Variants in ZNF717 observed in about 807,000 individuals in gnomAD.
The protein encoded by ZNF717 is zinc finger protein 717, also known as krueppel-like factor X17.
ZNF717 carries 9 observed loss-of-function variants against 13.8 expected under a neutral mutation model. That is an observed-to-expected ratio of 0.65 (90% confidence interval 0.39 to 1.14). ZNF717 has a LOEUF of 1.14. Ranked by LOEUF, ZNF717 falls within the 50% of genes most tolerant of loss-of-function variation. The probability of loss-of-function intolerance (pLI) is 0.01; values close to 1 mark genes in which losing one functional copy is unlikely to be tolerated. For missense variants in ZNF717, 1,040 were observed against 1,080.7 expected (o/e 0.96, Z 0.53); for synonymous variants, 327 against 364.1 (o/e 0.90, Z 1.16).
At chr3:75,745,671 T>C (rs1334005165) in intron 2 of ZNF717, among the ~76,000 whole-genome samples, 1 of 152,034 alleles carries the variant, frequency 6.6e-6, no homozygotes, top group Non-Finnish European at 1.5e-5. Flanking sequence ...TGTAACTCTA[T>C]GAGATCAACT....
intron 5 of ZNF717, among the ~76,000 whole-genome samples, chr3:75,715,533 T>G (rs1204622827): frequency 6.6e-6 from 1 of 152,256 alleles, no homozygotes; most frequent in Non-Finnish European, 1.5e-5. Flanking sequence ...TAACTTCTAA[T>G]TAAGTATTCT....
chr3:75,699,993 G>A (rs1360202585), intron 6 of ZNF717, among the ~76,000 whole-genome samples: 1 of 152,306 alleles, frequency 6.6e-6, no homozygotes, highest in Non-Finnish European at 1.5e-5. Flanking sequence ...AAATGAAAGA[G>A]GACCCAAAAA....
intron 5 of ZNF717, among the ~76,000 whole-genome samples, chr3:75,713,537 T>C (rs1420753145): frequency 1.3e-5 from 2 of 152,222 alleles, no homozygotes; most frequent in African/African-American, 4.8e-5. Flanking sequence ...ATCAGTATTA[T>C]CAGTATTTTA....
At chr3:75,726,392 G>A (rs1220673014), downstream of ZNF717, among the ~76,000 whole-genome samples, 1 of 152,254 alleles carries the variant, frequency 6.6e-6, no homozygotes, top group Non-Finnish European at 1.5e-5. Context: ...GGAGGTTGAG[G>A]CAGGTGGATC....
chr3:75,778,621 G>C (rs1944532653), intron 2 of ZNF717, among the ~76,000 whole-genome samples: 1 of 149,956 alleles, frequency 6.7e-6, no homozygotes. Flanking sequence ...AAAACAATGG[G>C]AGTGACTTGC....
intron 2 of ZNF717, among the ~76,000 whole-genome samples, chr3:75,761,705 A>G (rs554550459): frequency 7.9e-4 from 121 of 152,388 alleles, no homozygotes; most frequent in Non-Finnish European, 5.4e-4. Flanking sequence ...AGTCAGTTGC[A>G]TTTCTGTAAA....
intron 6 of ZNF717, among the ~76,000 whole-genome samples, chr3:75,703,739 C>T (rs1937742522): frequency 6.6e-6 from 1 of 152,312 alleles, no homozygotes; most frequent in Non-Finnish European, 1.5e-5. Context: ...CACAAAGTTC[C>T]TAAGAAATAC....
downstream of ZNF717, among the ~76,000 whole-genome samples, chr3:75,734,378 A>C (rs535777936): frequency 6.7e-6 from 1 of 149,376 alleles, no homozygotes. Context: ...TTGAATCTAC[A>C]TTTTAAAAAG....
Position 75,738,242 on chromosome 3 carries a change from T to C in ZNF717, c.1381A>G (p.Ile461Val). The C allele has an allele frequency of 1.9e-6, 3 of 1,541,444 alleles. No homozygotes were observed. Among genetic ancestry groups the C allele is most frequent in the Middle Eastern group, 1.7e-4 (1 of 5,890 alleles). The change falls in exon 5 of 5, where the codon ATC (isoleucine) becomes GTC (valine). Residue 461 changes from isoleucine (I) to valine (V), a missense_variant. By Grantham distance (29) the Ile-to-Val change is conservative. This residue lies in a region of ZNF717 where 873 missense variants were observed against 832.8 expected (regional missense o/e 1.05). Transcript: ENST00000652011. The stretch of plus-strand genomic sequence containing the variant: ...TGTAACCTGAGGTTTGACTTATTGA[T>C]AAAGGGTTTTCCACACTCATTACAT... Reference protein sequence around the residue: ...YECNECGKPFINKSNLRLHQR... With the variant: ...YECNECGKPFVNKSNLRLHQR...
At chr3:75,771,480 G>A (rs1943862682) in intron 2 of ZNF717, among the ~76,000 whole-genome samples, 1 of 152,210 alleles carries the variant, frequency 6.6e-6, no homozygotes, top group South Asian at 2.1e-4. Flanking sequence ...TCAGAAGTGG[G>A]ATCTGCCAGA....
In ZNF717 at chr3:75,701,551, G is replaced by A. The variant is rs1575711145; in HGVS notation, n.1085+9636C>T. ...AGGCATGGGGGCAAAATTTAGCTGG[G>A]TGTGCGGGCAGGTGCCTGTAATCCC... is the stretch of plus-strand genomic sequence containing the variant. On this transcript the variant is annotated intron_variant and non_coding_transcript_variant, in intron 6 of 6. Coordinates refer to the ZNF717 transcript ENST00000648506. Among the ~76,000 whole-genome samples, 5 of 152,344 alleles carry A rather than the reference G, an allele frequency of 3.3e-5. No individual in the cohort carries two copies. In the South Asian group the frequency reaches 1.0e-3, roughly 32 times the overall value.
At chr3:75,701,980 A>G (rs1225110420) in intron 6 of ZNF717, among the ~76,000 whole-genome samples, 6 of 152,126 alleles carry the variant, frequency 3.9e-5, no homozygotes, top group African/African-American at 1.5e-4. Flanking sequence ...AAGTCAGTCA[A>G]AAACAAATGT....
intron 5 of ZNF717, among the ~76,000 whole-genome samples, chr3:75,713,559 A>T (rs1368604195): frequency 1.3e-5 from 2 of 152,206 alleles, no homozygotes; most frequent in African/African-American, 4.8e-5. Flanking sequence ...GGGTGAGAAC[A>T]ATTTTATAGC....
At chr3:75,765,029 A>ATG (rs1553680491) in intron 2 of ZNF717, among the ~76,000 whole-genome samples, 1 of 62,160 alleles carries the variant, frequency 1.6e-5, no homozygotes, top group African/African-American at 6.2e-5. Context: ...ATATATATAT[A>ATG]TGTATATGTG....
At chr3:75,696,609 G>A (rs1937605494) in intron 6 of ZNF717, among the ~76,000 whole-genome samples, 1 of 151,666 alleles carries the variant, frequency 6.6e-6, no homozygotes, top group Admixed American at 6.6e-5. Context: ...ACAGAATGAA[G>A]GGACCAGGCA....
At chr3:75,717,797 G>A (rs1322827842) in intron 4 of ZNF717, among the ~76,000 whole-genome samples, 1 of 152,192 alleles carries the variant, frequency 6.6e-6, no homozygotes, top group Non-Finnish European at 1.5e-5. Context: ...GTATTCTTGT[G>A]GGATTTGTTT....
At chr3:75,768,524 T>A (rs1412274483) in intron 2 of ZNF717, among the ~76,000 whole-genome samples, 1 of 148,978 alleles carries the variant, frequency 6.7e-6, no homozygotes, top group Non-Finnish European at 1.5e-5. Context: ...CATTCAGTCC[T>A]CACTGCGGCT....
At chr3:75,729,615 C>CAAAAAAAAAAAAAA (rs369485280), downstream of ZNF717, among the ~76,000 whole-genome samples, 2 of 115,548 alleles carry the variant, frequency 1.7e-5, no homozygotes, top group Non-Finnish European at 3.4e-5. Context: ...AACTCCATAT[C>CAAAAAAAAAAAAAA]AAAAAAAAAA....
exon 6 of ZNF717, chr3:75,730,391 T>A (rs1242513244): frequency 2.3e-6 from 1 of 436,966 alleles, no homozygotes; most frequent in Non-Finnish European, 4.0e-6. Context: ...TGATGTCAAT[T>A]TGCTGTGCAA....
Sources: allele counts gnomAD v4.1 joint callset (sites outside exome capture counted in the v4.1 genomes callset), GRCh38; gene constraint gnomAD v4.1.1; regional missense constraint gnomAD v4.1.1; transcripts MANE v1.5; gene names NCBI Gene and HGNC (gene_info 2026-07-23, HGNC 2026-07-21).